The following HTRA1 variants were observed in gnomAD, a reference collection of about 807,000 sequenced individuals.
The protein encoded by HTRA1 is serine protease HTRA1.
Under a neutral mutation model 49.7 loss-of-function variants are expected in HTRA1, and 26 were observed. That is an observed-to-expected ratio of 0.52 (90% confidence interval 0.38 to 0.73). The LOEUF is 0.73. Among genes scored for constraint, HTRA1 ranks in the 30% least tolerant of loss-of-function variants. HTRA1 has a pLI of 0.00. For synonymous variants in HTRA1, 291 were observed against 286.9 expected, an observed-to-expected ratio of 1.01 and a Z score of -0.14; for missense variants, 561 against 667.2, an observed-to-expected ratio of 0.84 and a Z score of 1.75.
intron 3 of HTRA1, among the ~76,000 whole-genome samples, chr10:122,491,349 G>A (rs951483802): frequency 3.3e-5 from 5 of 152,206 alleles, no homozygotes; most frequent in African/African-American, 1.2e-4. Context: ...GGGAAGGCGG[G>A]TGCATCTGGT....
Position 122,495,108 on chromosome 10 carries a change from A to G in HTRA1, c.777+5482A>G, listed in dbSNP as rs558014762. 2.0e-5 allele frequency among the ~76,000 whole-genome samples: 3 copies of G among 152,274 alleles called. No homozygotes were observed. The East Asian group carries it at 5.8e-4, about 29-fold the overall frequency. On this transcript the variant is annotated intron_variant, in intron 3 of 8. Transcript: ENST00000368984. ...CTCGTCCAAAAGCGAATCAGAGAAC[A>G]CAGGGCCTGGGCTCACCCGCTGCCC...
At chr10:122,513,420 C>T (rs562073759) in intron 8 of HTRA1, among the ~76,000 whole-genome samples, 2 of 152,058 alleles carry the variant, frequency 1.3e-5, no homozygotes, top group South Asian at 2.1e-4. Context: ...CAATCTTGAC[C>T]TTTGATCTCC....
In HTRA1 at chr10:122,506,666, G is replaced by A; in HGVS notation, c.778-25G>A. On this transcript the variant is annotated intron_variant, in intron 3 of 8. Coordinates refer to ENST00000368984, the MANE Select transcript of HTRA1 (RefSeq NM_002775.5). The surrounding 1 kb of genome is among the most constrained non-coding windows in gnomAD (Gnocchi z 5.2). ...TATTTGGTTAAATTAAACCAACTCA[G>A]CAACGCCAGCCATTGTGGTTTCAGG... 2 of 1,604,752 alleles carry A rather than the reference G, an allele frequency of 1.2e-6. No homozygotes were observed. The highest frequency in any genetic ancestry group is 1.7e-6 in the Non-Finnish European group (2 of 1,175,992).
In HTRA1 at chr10:122,486,899, G is replaced by T. The variant is rs2097493348; in HGVS notation, c.473-2003G>T. ...GTGTGTAAATGTGGGTGTATGTGTG[G>T]GTGTGTTTATGCATGTACATCTGTG... On this transcript the variant is annotated intron_variant, in intron 1 of 8. Coordinates refer to ENST00000368984, the MANE Select transcript of HTRA1 (RefSeq NM_002775.5). Among the ~76,000 whole-genome samples, 6 of 151,926 alleles carry T rather than the reference G, an allele frequency of 3.9e-5. No homozygotes were observed. The South Asian group carries it at 1.3e-3, about 32-fold the overall frequency.
chr10:122,465,626 A>G lies in HTRA1; in HGVS notation c.472+3502A>G, dbSNP rs181592687. Among the ~76,000 whole-genome samples, 352 of 152,356 alleles carry G rather than the reference A, an allele frequency of 2.3e-3. 2 individuals carry two copies. Among genetic ancestry groups the G allele is most frequent in the Non-Finnish European group, 3.5e-3 (240 of 68,034 alleles). ...ACAGGGCTCCAGATGGCTGTGGCTTAGAGATGGAACAGGACAGATCACAGC... is the reference window on the plus strand; with the variant it reads ...ACAGGGCTCCAGATGGCTGTGGCTTGGAGATGGAACAGGACAGATCACAGC... On this transcript the variant is annotated intron_variant, in intron 1 of 8. Transcript: ENST00000368984.
intron 6 of HTRA1, among the ~76,000 whole-genome samples, chr10:122,509,323 G>A (rs2097504538): frequency 6.6e-6 from 1 of 152,240 alleles, no homozygotes; most frequent in Non-Finnish European, 1.5e-5. Flanking sequence ...AAACGGATCA[G>A]GGTGGCCGTC....
chr10:122,503,412 G>A (rs1009026439), intron 3 of HTRA1, among the ~76,000 whole-genome samples: 2 of 152,240 alleles, frequency 1.3e-5, no homozygotes, highest in Admixed American at 1.3e-4. Context: ...TGAGGTGCCC[G>A]ATGCTCCTGC....
chr10:122,506,734 G>A lies in HTRA1; in HGVS notation c.821G>A (p.Arg274Gln), dbSNP rs587776445. 2.5e-6 allele frequency: 4 copies of A among 1,613,500 alleles called. No homozygotes were observed. Among genetic ancestry groups the A allele is most frequent in the Non-Finnish European group, 3.4e-6 (4 of 1,180,042 alleles). Residue 274 changes from arginine (R) to glutamine (Q), a missense_variant, in exon 4 of 9, where the codon CGG becomes CAG. Arg to Gln is a conservative substitution (Grantham distance 43). This residue lies in a region of HTRA1 where 271 missense variants were observed against 410.0 expected (regional missense o/e 0.66). Transcript: ENST00000368984. This position sits in a 1 kb window ranked among gnomAD's most constrained non-coding sequence, Gnocchi z 5.2. ...CTGCTTGGCCGCTCCTCAGAGCTGC[G>A]GCCGGGAGAGTTCGTGGTCGCCATC... The part of the protein sequence containing the change: ...VLLLGRSSEL[R>Q]PGEFVVAIGS...
intron 1 of HTRA1, among the ~76,000 whole-genome samples, chr10:122,481,072 C>G (rs1679796646): frequency 6.6e-6 from 1 of 152,084 alleles, no homozygotes; most frequent in African/African-American, 2.4e-5. Flanking sequence ...ATATTTCCTA[C>G]AGAGAAAATA....
At chr10:122,471,017 T>C (rs1472134475) in intron 1 of HTRA1, among the ~76,000 whole-genome samples, 1 of 152,040 alleles carries the variant, frequency 6.6e-6, no homozygotes, top group Admixed American at 6.6e-5. Context: ...AACATCAGCA[T>C]CCCAATCATT....
chr10:122,494,528 G>GA lies in HTRA1; in HGVS notation c.777+4905dup, dbSNP rs2097497632. Among the ~76,000 whole-genome samples the GA allele has an allele frequency of 6.6e-6, 1 of 152,204 alleles. No homozygotes were observed. The highest frequency in any genetic ancestry group is 1.5e-5 in the Non-Finnish European group (1 of 68,034). ...GTCTTTGGTAACGGAAAGCGCTGGT[G>GA]AAACAGTGAGCTTTCCCGTGGGTGC... On this transcript the variant is annotated intron_variant, in intron 3 of 8. Transcript: ENST00000368984. The surrounding 1 kb of genome is among the most constrained non-coding windows in gnomAD (Gnocchi z 4.0).
chr10:122,494,599 G>A lies in HTRA1; in HGVS notation c.777+4973G>A, dbSNP rs911103565. ...CAGGTAAATATTTGGAAACGGCCTT[G>A]TTGAGGCTTGTGAGGTGGTTTTCCT... On this transcript the variant is annotated intron_variant, in intron 3 of 8. Transcript: ENST00000368984. The surrounding 1 kb of genome is among the most constrained non-coding windows in gnomAD (Gnocchi z 4.0). Among the ~76,000 whole-genome samples, 1 of 152,158 alleles carries A rather than the reference G, an allele frequency of 6.6e-6. No homozygotes were observed. The highest frequency in any genetic ancestry group is 1.5e-5 in the Non-Finnish European group (1 of 68,044).
intron 1 of HTRA1, among the ~76,000 whole-genome samples, chr10:122,471,088 G>A (rs1439444107): frequency 2.6e-5 from 4 of 152,270 alleles, no homozygotes; most frequent in Non-Finnish European, 4.4e-5. Context: ...TCCTGGGGTG[G>A]CCTGCATCCT....
intron 1 of HTRA1, among the ~76,000 whole-genome samples, chr10:122,476,826 G>C (rs928141205): frequency 7.9e-5 from 12 of 152,142 alleles, no homozygotes; most frequent in Non-Finnish European, 1.8e-4. Context: ...AAGGTGCTGA[G>C]CTGTGAGTGG....
intron 1 of HTRA1, among the ~76,000 whole-genome samples, chr10:122,478,003 C>T (rs2097489402): frequency 1.3e-5 from 2 of 152,184 alleles, no homozygotes; most frequent in African/African-American, 4.8e-5. Flanking sequence ...TCATCCCGGC[C>T]TCCATCCTGG....
chr10:122,493,173 T>A (rs985719059), intron 3 of HTRA1, among the ~76,000 whole-genome samples: 1 of 152,152 alleles, frequency 6.6e-6, no homozygotes. Flanking sequence ...ACCAGCCCCC[T>A]CTTGCCTGCC....
At chr10:122,498,369 A>G (rs117582992) in intron 3 of HTRA1, among the ~76,000 whole-genome samples, 1,578 of 152,182 alleles carry the variant, frequency 0.01, 23 homozygotes, top group Middle Eastern at 0.017. Context: ...CAGTCTGTAT[A>G]TGTCGGTGAT....
chr10:122,498,668 T>C (rs2097499715), intron 3 of HTRA1, among the ~76,000 whole-genome samples: 1 of 152,154 alleles, frequency 6.6e-6, no homozygotes, highest in Admixed American at 6.5e-5. Flanking sequence ...CAAGCCAGCA[T>C]CTGGAGAATT....
intron 1 of HTRA1, among the ~76,000 whole-genome samples, chr10:122,484,005 G>A (rs1039637417): frequency 2.6e-5 from 4 of 152,056 alleles, no homozygotes; most frequent in Non-Finnish European, 4.4e-5. Context: ...AAATAAAGAC[G>A]GTTTTACATT....
Sources: gnomAD v4.1 joint callset for allele counts (sites outside exome capture counted in the v4.1 genomes callset) on GRCh38, gnomAD v4.1.1 for gene constraint, gnomAD v4.1.1 regional missense constraint, Gnocchi (gnomAD v3.1) non-coding constraint, MANE v1.5 for transcripts, NCBI Gene and HGNC (gene_info 2026-07-23, HGNC 2026-07-21) for gene names.